The following GPATCH2 variants were observed in gnomAD, a reference collection of about 807,000 sequenced individuals.
GPATCH2 encodes G-patch domain containing 2.
Under a neutral mutation model 58.0 loss-of-function variants are expected in GPATCH2, and 51 were observed. The observed-to-expected ratio is 0.88, with a 90% CI of 0.70 to 1.11. GPATCH2 has a LOEUF of 1.11. Among genes scored for constraint, GPATCH2 ranks in the 50% most tolerant of loss-of-function variants. The pLI, the probability that GPATCH2 is intolerant of heterozygous loss-of-function variation, is 0.00. For synonymous variants in GPATCH2, 222 were observed against 218.5 expected (o/e 1.02, Z -0.14); for missense variants, 625 against 652.2 (o/e 0.96, Z 0.45).
rs1668771199 is a variant in GPATCH2 at position 217,614,159 on chromosome 1, T to C, written c.817A>G (p.Asn273Asp). 2 of 1,574,750 alleles carry C rather than the reference T, an allele frequency of 1.3e-6. No individual in the cohort carries two copies. The highest frequency in any genetic ancestry group is 1.1e-5 in the South Asian group (1 of 90,170). ...LSSTDAGLFT[N>D]DEGRQGDDEQ... ...TCAGTACCTTGTCTTCCCTCATCAT[T>C]GGTAAACAATCCAGCATCAGTGCTG... The change falls in exon 3 of 10, where the codon AAT becomes GAT. Residue 273 changes from asparagine (N) to aspartate (D), a missense_variant. Coordinates refer to ENST00000366935, the MANE Select transcript of GPATCH2 (RefSeq NM_018040.5).
intron 8 of GPATCH2, among the ~76,000 whole-genome samples, chr1:217,487,071 C>CTCCCTGTATTTCATATTTTATTT (rs1661485439): frequency 2.6e-5 from 4 of 152,220 alleles, no homozygotes; most frequent in African/African-American, 9.7e-5. Context: ...ATATTTTATT[C>CTCCCTGTATTTCATATTTTATTT]TCCCTGTATT....
intron 8 of GPATCH2, among the ~76,000 whole-genome samples, chr1:217,478,830 A>G (rs1040386011): frequency 2.6e-5 from 4 of 152,192 alleles, no homozygotes; most frequent in Admixed American, 2.0e-4. Flanking sequence ...ACATTTAATA[A>G]TCAAACTCCC....
intron 9 of GPATCH2, among the ~76,000 whole-genome samples, chr1:217,440,955 C>G (rs958341789): frequency 6.6e-6 from 1 of 152,148 alleles, no homozygotes; most frequent in African/African-American, 2.4e-5. Flanking sequence ...AGATTCAATG[C>G]TATCCCCATC....
chr1:217,435,003 CA>C (rs943285956), intron 9 of GPATCH2, among the ~76,000 whole-genome samples: 22 of 151,340 alleles, frequency 1.5e-4, no homozygotes, highest in Admixed American at 1.4e-3. Context: ...AAACACAACC[CA>C]AAAAACAAAA....
intron 8 of GPATCH2, among the ~76,000 whole-genome samples, chr1:217,482,307 T>A (rs1234407541): frequency 6.6e-6 from 1 of 152,064 alleles, no homozygotes; most frequent in Non-Finnish European, 1.5e-5. Context: ...TTCACGAAGC[T>A]TAAAAAGAGG....
At chr1:217,533,594 TA>T in intron 5 of GPATCH2, among the ~76,000 whole-genome samples, 1 of 152,318 alleles carries the variant, frequency 6.6e-6, no homozygotes, top group East Asian at 1.9e-4. Flanking sequence ...AATTGTCTCT[TA>T]ATCAACTTTG....
chr1:217,585,970 C>G (rs1667320478), intron 5 of GPATCH2, among the ~76,000 whole-genome samples: 1 of 152,048 alleles, frequency 6.6e-6, no homozygotes, highest in Admixed American at 6.5e-5. Context: ...CTAGACATAT[C>G]TAAATACAGA....
At chr1:217,612,719 T>TA (rs1668691069) in intron 3 of GPATCH2, among the ~76,000 whole-genome samples, 1 of 152,150 alleles carries the variant, frequency 6.6e-6, no homozygotes, top group Admixed American at 6.5e-5. Context: ...TTTGATGTAA[T>TA]ACACAACTTT....
intron 8 of GPATCH2, among the ~76,000 whole-genome samples, chr1:217,458,122 C>T (rs959117047): frequency 2.6e-5 from 4 of 152,210 alleles, no homozygotes; most frequent in South Asian, 4.2e-4. Context: ...CCCAGCTACT[C>T]CGGAGGCTGA....
At chr1:217,529,935 T>C (rs1664106070) in intron 5 of GPATCH2, among the ~76,000 whole-genome samples, 1 of 152,222 alleles carries the variant, frequency 6.6e-6, no homozygotes, top group Non-Finnish European at 1.5e-5. Context: ...TATCCACAAG[T>C]AGTAAAGTAC....
intron 5 of GPATCH2, among the ~76,000 whole-genome samples, chr1:217,531,097 C>A (rs758236163): frequency 6.6e-6 from 1 of 151,460 alleles, no homozygotes; most frequent in Non-Finnish European, 1.5e-5. Context: ...TACAAAATAA[C>A]GATGCAGAAC....
chr1:217,520,166 A>G (rs957468279), intron 5 of GPATCH2, among the ~76,000 whole-genome samples: 3 of 152,182 alleles, frequency 2.0e-5, no homozygotes, highest in African/African-American at 7.2e-5. Flanking sequence ...TAAAAACTAG[A>G]ACATCTAATG....
chr1:217,530,710 C>T (rs1664144675), intron 5 of GPATCH2, among the ~76,000 whole-genome samples: 1 of 152,144 alleles, frequency 6.6e-6, no homozygotes, highest in Non-Finnish European at 1.5e-5. Context: ...GTTTACAAAA[C>T]ACTCAATGTT....
At chr1:217,506,494 T>C (rs150028445) in intron 6 of GPATCH2, among the ~76,000 whole-genome samples, 2 of 152,322 alleles carry the variant, frequency 1.3e-5, no homozygotes, top group African/African-American at 4.8e-5. Flanking sequence ...AGAAGCCATG[T>C]GGCTAGGTAA....
chr1:217,590,710 A>G (rs1667554505), intron 5 of GPATCH2, among the ~76,000 whole-genome samples: 2 of 152,176 alleles, frequency 1.3e-5, no homozygotes, highest in South Asian at 2.1e-4. Context: ...ACACATGTAT[A>G]TTATCTGCCT....
Position 217,524,847 on chromosome 1 carries a change from C to T in GPATCH2, c.1099-9958G>A, listed in dbSNP as rs1207103028. ...CTTCGGCTTGGCATCAGAGGGAGAC[C>T]GGGGAGAGGGGAGAGGGGAGAGGGG... is the stretch of plus-strand genomic sequence containing the variant. On this transcript the variant is annotated intron_variant, in intron 5 of 9. Coordinates refer to ENST00000366935, the MANE Select transcript of GPATCH2 (RefSeq NM_018040.5). Among the ~76,000 whole-genome samples the T allele has an allele frequency of 2.7e-4, 5 of 18,834 alleles. No individual in the cohort carries two copies. In the South Asian group the frequency reaches 9.9e-3, roughly 37 times the overall value. The allele number at this position is 18,834 out of a possible 152,430, so 12.4% of individuals were successfully genotyped here. A position where few individuals can be genotyped will look rare whatever the true frequency, so the allele number is the denominator to read the frequency against.
intron 1 of GPATCH2, among the ~76,000 whole-genome samples, chr1:217,627,792 C>A (rs1163298151): frequency 6.6e-6 from 1 of 151,424 alleles, no homozygotes; most frequent in Non-Finnish European, 1.5e-5. Context: ...AATCTGAAGA[C>A]CATGCTTCTG....
At chr1:217,463,993 G>A (rs911619691) in intron 8 of GPATCH2, among the ~76,000 whole-genome samples, 3 of 152,092 alleles carry the variant, frequency 2.0e-5, no homozygotes, top group South Asian at 2.1e-4. Context: ...GGTGTGTGAA[G>A]GACTGCATGA....
chr1:217,586,826 C>G (rs960202847), intron 5 of GPATCH2, among the ~76,000 whole-genome samples: 1 of 152,106 alleles, frequency 6.6e-6, no homozygotes, highest in Non-Finnish European at 1.5e-5. Flanking sequence ...TTTTTCAACT[C>G]CATTATAATC....
Sources: gnomAD v4.1 joint callset for allele counts (sites outside exome capture counted in the v4.1 genomes callset) on GRCh38, gnomAD v4.1.1 for gene constraint, MANE v1.5 for transcripts, NCBI Gene and HGNC (gene_info 2026-07-23, HGNC 2026-07-21) for gene names.